SLC45A3: variants seen among roughly 807,000 people sequenced by gnomAD.
SLC45A3 encodes the protein prostate cancer associated protein 2.
In SLC45A3, 17 loss-of-function variants were observed where a neutral mutation model predicts 35.3. The ratio of observed to expected loss-of-function variants is 0.48; its 90% CI spans 0.33 to 0.72. The LOEUF (loss-of-function observed/expected upper bound fraction) is 0.72, where lower values mean the gene tolerates loss of function less well. Ranked by LOEUF, SLC45A3 falls within the 30% of genes least tolerant of loss-of-function variation. SLC45A3 has a pLI of 0.02. For missense variants in SLC45A3, 597 were observed against 731.7 expected (o/e 0.82, Z 2.12); for synonymous variants, 288 against 334.3 (o/e 0.86, Z 1.51).
intron 1 of SLC45A3, among the ~76,000 whole-genome samples, chr1:205,679,691 C>G (rs898626022): frequency 7.0e-6 from 1 of 143,126 alleles, no homozygotes; most frequent in Non-Finnish European, 1.5e-5. Flanking sequence ...CAGTAACACA[C>G]ACACACACAC....
intron 4 of SLC45A3, among the ~76,000 whole-genome samples, chr1:205,660,563 A>G (rs1007055596): frequency 1.3e-5 from 2 of 152,164 alleles, no homozygotes; most frequent in Non-Finnish European, 2.9e-5. Context: ...GGGCAAAGGA[A>G]CAGGCAGACA....
At chr1:205,671,080 G>A (rs1219504000) in intron 1 of SLC45A3, among the ~76,000 whole-genome samples, 2 of 152,174 alleles carry the variant, frequency 1.3e-5, no homozygotes, top group Non-Finnish European at 2.9e-5. Context: ...GGACAGAGGG[G>A]CAGTCCCTGG....
chr1:205,674,574 G>A (rs1477047005), intron 1 of SLC45A3, among the ~76,000 whole-genome samples: 13 of 124,860 alleles, frequency 1.0e-4, no homozygotes, highest in Non-Finnish European at 1.7e-4. Context: ...GCAACAGAGC[G>A]AGATGCCATC....
At position 205,659,696 on chromosome 1, in the gene SLC45A3, G is replaced by A; in HGVS notation, c.1225-25C>T. On this transcript the variant is annotated intron_variant, in intron 4 of 4. Transcript: ENST00000367145. The surrounding 1 kb of genome is among the most constrained non-coding windows in gnomAD (Gnocchi z 5.8). The stretch of plus-strand genomic sequence containing the variant: ...CCTAAGGCAGAGGGGTGAAGAAAAG[G>A]GGAAGAGGACAGGTGTGTACCCAGC... 1.3e-6 allele frequency: 2 copies of A among 1,517,350 alleles called. No homozygotes were observed. The highest frequency in any genetic ancestry group is 1.8e-6 in the Non-Finnish European group (2 of 1,134,106). The allele number at this position is 1,517,350 out of a possible 1,614,324, so 94.0% of individuals were successfully genotyped here.
chr1:205,672,230 T>TC (rs1671230486), intron 1 of SLC45A3, among the ~76,000 whole-genome samples: 1 of 150,656 alleles, frequency 6.6e-6, no homozygotes, highest in African/African-American at 2.4e-5. Context: ...CCCACGTGCC[T>TC]CCCCCACCAC....
chr1:205,679,086 CCT>C (rs1256533664), intron 1 of SLC45A3, among the ~76,000 whole-genome samples: 2 of 152,166 alleles, frequency 1.3e-5, no homozygotes, highest in Non-Finnish European at 2.9e-5. Context: ...CAACCCCACC[CCT>C]GAGCAAAGGT....
chr1:205,672,576 G>A (rs369982571), intron 1 of SLC45A3, among the ~76,000 whole-genome samples: 2 of 152,270 alleles, frequency 1.3e-5, no homozygotes, highest in South Asian at 4.1e-4. Context: ...ATTCATATTC[G>A]AGATGAACAG....
intron 1 of SLC45A3, among the ~76,000 whole-genome samples, chr1:205,671,624 C>T (rs1162467204): frequency 3.9e-5 from 6 of 152,126 alleles, no homozygotes; most frequent in Admixed American, 2.6e-4. Flanking sequence ...TTTGGGAGGC[C>T]GAGGCAGGCA....
rs1487603939 is a variant in SLC45A3, at chr1:205,659,560, C to T, written c.1336G>A (p.Val446Met). ...AGCAGGCCACTGCCTCCAGCACCCA[C>T]GTGTCCATTAGGGAAGGGAGCTCCA... ...KPGAPFPNGH[V>M]GAGGSGLLPP... The change falls in exon 5 of 5, where the codon GTG (valine) becomes ATG (methionine). Residue 446 changes from valine (V) to methionine (M), a missense_variant. By Grantham distance (21) the Val-to-Met change is conservative. Transcript: ENST00000367145. The surrounding 1 kb of genome is among the most constrained non-coding windows in gnomAD (Gnocchi z 5.8). 5.0e-6 allele frequency: 8 copies of T among 1,601,406 alleles called. No individual in the cohort carries two copies. The highest frequency in any genetic ancestry group is 4.5e-5 in the East Asian group (2 of 44,772).
chr1:205,661,348 T>C (rs1671018444), intron 4 of SLC45A3, among the ~76,000 whole-genome samples: 1 of 151,844 alleles, frequency 6.6e-6, no homozygotes, highest in South Asian at 2.1e-4. Context: ...GAAAAGGGAA[T>C]TAGACAGAAA....
At chr1:205,672,620 A>G (rs1472641325) in intron 1 of SLC45A3, among the ~76,000 whole-genome samples, 1 of 152,216 alleles carries the variant, frequency 6.6e-6, no homozygotes, top group African/African-American at 2.4e-5. Flanking sequence ...CCAAGGTTGC[A>G]CAAATAAACA....
chr1:205,663,217 G>A lies in SLC45A3; in HGVS notation c.574C>T (p.Leu192=). ...AAGAGGCACTCCTCCTGGGTGCCCA[G>A]GTAGGGGGCCAGGGCACTGGTGTCC... The part of the protein sequence containing the change: ...DWDTSALAPY[L]GTQEECLFGL... The change falls in exon 3 of 5, where the codon CTG becomes TTG. Residue 192 remains leucine (L), a synonymous_variant. Transcript: ENST00000367145. 1 of 1,613,580 alleles carries A rather than the reference G, an allele frequency of 6.2e-7. No homozygotes were observed.
rs1352478266 is a variant in SLC45A3 at position 205,666,094 on chromosome 1, A to G, written c.-230-1208T>C. On this transcript the variant is annotated intron_variant, in intron 1 of 4. Transcript: ENST00000367145. This position sits in a 1 kb window ranked among gnomAD's most constrained non-coding sequence, Gnocchi z 4.1. ...CAGCCCCTACTCATGCCCTCTGCCA[A>G]TCTCAGCACCTCATTATAAAAGGCA... is the stretch of plus-strand genomic sequence containing the variant. Among the ~76,000 whole-genome samples the G allele has an allele frequency of 1.3e-5, 2 of 152,162 alleles. No individual in the cohort carries two copies. The highest frequency in any genetic ancestry group is 2.9e-5 in the Non-Finnish European group (2 of 68,024).
chr1:205,660,382 C>T (rs1030435821), intron 4 of SLC45A3, among the ~76,000 whole-genome samples: 4 of 152,146 alleles, frequency 2.6e-5, no homozygotes, highest in African/African-American at 9.7e-5. Context: ...ATCCCCCCAA[C>T]CCCTGCCCTT....
chr1:205,679,685 AACACACACAC>A (rs55762304), intron 1 of SLC45A3, among the ~76,000 whole-genome samples: 41 of 138,854 alleles, frequency 3.0e-4, no homozygotes, highest in African/African-American at 8.7e-4. Flanking sequence ...GGGACACAGT[AACACACACAC>A]ACACACACAC....
Position 205,679,241 on chromosome 1 carries a change from G to A in SLC45A3, c.-231+1153C>T, listed in dbSNP as rs569648877. ...GGTCTGTGTAACAGCTGAAGGGCGA[G>A]TCCTCACCAGGTACCCACCATGCCA... is the stretch of plus-strand genomic sequence containing the variant. On this transcript the variant is annotated intron_variant, in intron 1 of 4. Transcript: ENST00000367145. 3.3e-5 allele frequency among the ~76,000 whole-genome samples: 5 copies of A among 152,036 alleles called. No individual in the cohort carries two copies. In the South Asian group the frequency reaches 1.0e-3, roughly 32 times the overall value.
chr1:205,671,894 A>C (rs1671223257), intron 1 of SLC45A3, among the ~76,000 whole-genome samples: 2 of 152,100 alleles, frequency 1.3e-5, no homozygotes, highest in African/African-American at 4.8e-5. Flanking sequence ...AAACACGCAC[A>C]CAAAACAGAA....
intron 1 of SLC45A3, among the ~76,000 whole-genome samples, chr1:205,680,104 T>TGGGACAGCGCGGGCACCTCCTGC: frequency 6.8e-6 from 1 of 147,910 alleles, no homozygotes; most frequent in African/African-American, 2.5e-5. Context: ...CCGCCCCGCC[T>TGGGACAGCGCGGGCACCTCCTGC]GGGACAGCGC....
In SLC45A3 at chr1:205,662,638, C is replaced by T. The variant is rs996487539; in HGVS notation, c.958+195G>A. The T allele has an allele frequency of 2.9e-6, 4 of 1,385,602 alleles. No homozygotes were observed. The highest frequency in any genetic ancestry group is 3.2e-5 in the Admixed American group (1 of 31,418). The allele number at this position is 1,385,602 out of a possible 1,614,324, so 85.8% of individuals were successfully genotyped here. A position where few individuals can be genotyped will look rare whatever the true frequency, so the allele number is the denominator to read the frequency against. ...ACTCTGATCAGACTCCTAGAGCAGCCAGAGGCCTTCCTGAAACCGCAAGCA... is the reference window on the plus strand; with the variant it reads ...ACTCTGATCAGACTCCTAGAGCAGCTAGAGGCCTTCCTGAAACCGCAAGCA... On this transcript the variant is annotated intron_variant, in intron 3 of 4. Transcript: ENST00000367145. The surrounding 1 kb of genome is among the most constrained non-coding windows in gnomAD (Gnocchi z 6.2).
Sources: allele counts gnomAD v4.1 joint callset (sites outside exome capture counted in the v4.1 genomes callset), GRCh38; gene constraint gnomAD v4.1.1; non-coding constraint Gnocchi (gnomAD v3.1); transcripts MANE v1.5; gene names NCBI Gene and HGNC (gene_info 2026-07-23, HGNC 2026-07-21).